Variants in BMPR2 observed in about 807,000 individuals in gnomAD.
The protein encoded by BMPR2 is bone morphogenetic protein receptor type 2.
Under a neutral mutation model 100.8 loss-of-function variants are expected in BMPR2, and 29 were observed. The ratio of observed to expected loss-of-function variants is 0.29; its 90% CI spans 0.21 to 0.39. The LOEUF (loss-of-function observed/expected upper bound fraction) is 0.39. BMPR2 is among the 10% of genes least tolerant of loss of function. The pLI is 1.00. For synonymous variants in BMPR2, 382 were observed against 442.3 expected, an observed-to-expected ratio of 0.86 and a Z score of 1.71; for missense variants, 1,011 against 1,274.5, an observed-to-expected ratio of 0.79 and a Z score of 3.15.
chr2:202,558,563 A>G (rs917154579), intron 12 of BMPR2, among the ~76,000 whole-genome samples: 1 of 152,200 alleles, frequency 6.6e-6, no homozygotes, highest in East Asian at 1.9e-4. Context: ...AGATCAGTTG[A>G]CAGACCTTTA....
intron 4 of BMPR2, among the ~76,000 whole-genome samples, chr2:202,514,294 G>A (rs1197171530): frequency 1.3e-5 from 2 of 152,072 alleles, no homozygotes; most frequent in African/African-American, 2.4e-5. Context: ...CCACCTCCTC[G>A]CCCGGCTAAT....
chr2:202,419,606 C>T (rs1278667108), intron 1 of BMPR2, among the ~76,000 whole-genome samples: 17 of 152,042 alleles, frequency 1.1e-4, no homozygotes, highest in African/African-American at 2.9e-4. Flanking sequence ...CCACCCGTCT[C>T]GGCCTCACAA....
intron 9 of BMPR2, among the ~76,000 whole-genome samples, chr2:202,537,391 A>G (rs986752184): frequency 3.3e-5 from 5 of 152,246 alleles, no homozygotes; most frequent in Non-Finnish European, 7.3e-5. Flanking sequence ...CTGATAAATA[A>G]TAAAGAATGA....
At chr2:202,379,838 T>TTTTCTTTCTTTCTTTCTTTCTTTCTTTC (rs3044179) in intron 1 of BMPR2, among the ~76,000 whole-genome samples, 117 of 150,456 alleles carry the variant, frequency 7.8e-4, no homozygotes, top group African/African-American at 2.6e-3. Flanking sequence ...TCTTAGAACA[T>TTTTCTTTCTTTCTTTCTTTCTTTCTTTC]TTTCTTTCTT....
intron 3 of BMPR2, among the ~76,000 whole-genome samples, chr2:202,491,231 ATTGT>A (rs952386706): frequency 6.6e-6 from 1 of 151,866 alleles, no homozygotes; most frequent in Non-Finnish European, 1.5e-5. Context: ...TAATCTTTTA[ATTGT>A]TTGTAGAGAT....
chr2:202,492,391 G>T (rs1352318399), intron 3 of BMPR2, among the ~76,000 whole-genome samples: 1 of 151,900 alleles, frequency 6.6e-6, no homozygotes, highest in East Asian at 1.9e-4. Flanking sequence ...ATTTTGTAAG[G>T]TTTAAAAAAT....
intron 1 of BMPR2, among the ~76,000 whole-genome samples, chr2:202,431,311 C>T (rs1691498642): frequency 6.6e-6 from 1 of 150,524 alleles, no homozygotes; most frequent in South Asian, 2.1e-4. Context: ...ACATGTTTTT[C>T]AAGGTATTCT....
intron 3 of BMPR2, among the ~76,000 whole-genome samples, chr2:202,488,984 T>C (rs2105980059): frequency 6.6e-6 from 1 of 151,610 alleles, no homozygotes; most frequent in South Asian, 2.1e-4. Context: ...AATCATAAGG[T>C]ATCTGTCTTT....
intron 3 of BMPR2, among the ~76,000 whole-genome samples, chr2:202,496,030 C>T (rs181199881): frequency 3.3e-5 from 5 of 152,252 alleles, no homozygotes; most frequent in African/African-American, 1.2e-4. Context: ...GCGTTAAAAA[C>T]GTGCTTGAAT....
At chr2:202,546,422 A>G (rs1242627062) in intron 10 of BMPR2, among the ~76,000 whole-genome samples, 1 of 152,220 alleles carries the variant, frequency 6.6e-6, no homozygotes, top group Non-Finnish European at 1.5e-5. Context: ...AAAGGGGGGA[A>G]GAATAGTTTC....
At chr2:202,500,326 C>T (rs912815220) in intron 3 of BMPR2, among the ~76,000 whole-genome samples, 4 of 152,214 alleles carry the variant, frequency 2.6e-5, no homozygotes, top group African/African-American at 9.6e-5. Context: ...AGACTTTGCT[C>T]TTTTCACATG....
chr2:202,398,460 T>C (rs1481087233), intron 1 of BMPR2, among the ~76,000 whole-genome samples: 1 of 152,230 alleles, frequency 6.6e-6, no homozygotes, highest in African/African-American at 2.4e-5. Flanking sequence ...GTATGCTTAA[T>C]GAAGGAGGCA....
intron 3 of BMPR2, among the ~76,000 whole-genome samples, chr2:202,497,403 T>C (rs956503733): frequency 1.2e-4 from 19 of 152,220 alleles, no homozygotes; most frequent in African/African-American, 4.1e-4. Context: ...GGGCACCTTA[T>C]TGGCCAGTTA....
At chr2:202,554,878 A>G (rs956642632) in intron 11 of BMPR2, among the ~76,000 whole-genome samples, 2 of 152,206 alleles carry the variant, frequency 1.3e-5, no homozygotes, top group Admixed American at 1.3e-4. Flanking sequence ...GAAAACATAT[A>G]CCATGGTTCT....
At chr2:202,448,866 G>C (rs1053977851) in intron 1 of BMPR2, among the ~76,000 whole-genome samples, 3 of 151,908 alleles carry the variant, frequency 2.0e-5, no homozygotes, top group African/African-American at 7.3e-5. Flanking sequence ...AATTAGGAGA[G>C]AACAATATAT....
intron 9 of BMPR2, among the ~76,000 whole-genome samples, chr2:202,539,720 T>C (rs1688236701): frequency 6.6e-6 from 1 of 150,826 alleles, no homozygotes; most frequent in African/African-American, 2.4e-5. Flanking sequence ...AAAGAAGAGA[T>C]AGAAAAAGGA....
chr2:202,393,947 T>G (rs1012578807), intron 1 of BMPR2, among the ~76,000 whole-genome samples: 6 of 119,296 alleles, frequency 5.0e-5, no homozygotes, highest in African/African-American at 3.1e-5. Context: ...CCTGTGAGAT[T>G]CAGCTGAGTC....
chr2:202,449,345 AAAT>A (rs1224767490), intron 1 of BMPR2, among the ~76,000 whole-genome samples: 1 of 150,824 alleles, frequency 6.6e-6, no homozygotes, highest in Non-Finnish European at 1.5e-5. Flanking sequence ...ATAAATAAAT[AAAT>A]AATAAAAAAA....
intron 1 of BMPR2, among the ~76,000 whole-genome samples, chr2:202,451,996 C>T (rs980252971): frequency 6.6e-5 from 10 of 152,180 alleles, no homozygotes; most frequent in Admixed American, 5.9e-4. Context: ...TTAGGTGATC[C>T]GCCTGCCTCA....
Sources: gnomAD v4.1 joint callset for allele counts (sites outside exome capture counted in the v4.1 genomes callset) on GRCh38, gnomAD v4.1.1 for gene constraint, MANE v1.5 for transcripts, NCBI Gene and HGNC (gene_info 2026-07-23, HGNC 2026-07-21) for gene names.